Variants in FARP2 observed in about 807,000 individuals in gnomAD.
The protein encoded by FARP2 is FERM, ARH/RhoGEF and pleckstrin domain protein 2, also known as FERM, ARHGEF and pleckstrin domain-containing protein 2.
In FARP2, 111 loss-of-function variants were observed where a neutral mutation model predicts 130.5. That is an observed-to-expected ratio of 0.85 (90% CI 0.73 to 1.00). The LOEUF is 1.00. FARP2 is among the 50% of genes least tolerant of loss of function. FARP2 has a pLI of 0.00. For synonymous variants in FARP2, 504 were observed against 516.9 expected, an observed-to-expected ratio of 0.98 and a Z score of 0.34; for missense variants, 1,385 against 1,346.3, an observed-to-expected ratio of 1.03 and a Z score of -0.45.
At chr2:241,434,343 G>C (rs373545479) in intron 10 of FARP2, 22 bp downstream of exon 10, 141 of 1,559,502 alleles carry the variant, frequency 9.0e-5, no homozygotes, top group Non-Finnish European at 1.1e-4. Flanking sequence ...GCCGTGGCTT[G>C]CATGGGCCCC....
intron 14 of FARP2, among the ~76,000 whole-genome samples, chr2:241,458,707 T>A (rs1197453294): frequency 6.6e-6 from 1 of 152,060 alleles, no homozygotes; most frequent in East Asian, 1.9e-4. Context: ...TACCAAGCAG[T>A]CTGTTATTAA....
At chr2:241,371,448 C>T (rs769096955) in intron 1 of FARP2, among the ~76,000 whole-genome samples, 10 of 152,180 alleles carry the variant, frequency 6.6e-5, no homozygotes, top group Non-Finnish European at 1.2e-4. Flanking sequence ...GGGGCCAGTG[C>T]ACTTCAGCCT....
At chr2:241,358,175 C>T (rs1484002241) in intron 1 of FARP2, among the ~76,000 whole-genome samples, 2 of 151,932 alleles carry the variant, frequency 1.3e-5, no homozygotes, top group Admixed American at 1.3e-4. Context: ...GGCGACAGAG[C>T]GAGACTCTGT....
intron 12 of FARP2, among the ~76,000 whole-genome samples, chr2:241,437,246 C>T (rs572464645): frequency 1.9e-4 from 29 of 152,242 alleles, no homozygotes; most frequent in African/African-American, 5.5e-4. Context: ...GGCATGATTG[C>T]AACTATATCA....
chr2:241,415,989 CTGTGTGTGTGTGTG>C (rs57774022), intron 7 of FARP2, among the ~76,000 whole-genome samples: 1,722 of 141,794 alleles, frequency 0.012, 13 homozygotes, highest in African/African-American at 0.019. Context: ...CAGGGTAGTT[CTGTGTGTGTGTGTG>C]TGTGTGTGTG....
At chr2:241,357,857 G>C (rs1182464549) in intron 1 of FARP2, among the ~76,000 whole-genome samples, 1 of 152,190 alleles carries the variant, frequency 6.6e-6, no homozygotes, top group Non-Finnish European at 1.5e-5. Flanking sequence ...GATATAAGGT[G>C]TATTCATTTC....
chr2:241,358,573 G>A (rs1047479539), intron 1 of FARP2, among the ~76,000 whole-genome samples: 1 of 152,260 alleles, frequency 6.6e-6, no homozygotes, highest in Non-Finnish European at 1.5e-5. Context: ...ACTGCTGCTT[G>A]TCCTTTCAGT....
chr2:241,475,946 C>T lies in FARP2; in HGVS notation c.2221C>T (p.Arg741Trp), dbSNP rs372872625. The change falls in exon 19 of 27, where the codon CGG (arginine) becomes TGG (tryptophan). Residue 741 changes from arginine to tryptophan, a missense_variant. Arg to Trp is a moderately radical substitution (Grantham distance 101). Transcript: ENST00000264042. This position sits in a 1 kb window ranked among gnomAD's most constrained non-coding sequence, Gnocchi z 4.4. ...CCTGCAGAAGCTAACGGAGCTGCAG[C>T]GGGACCTGGTGGGCATAGAGAACCT... is the stretch of plus-strand genomic sequence containing the variant. ...ENLQKLTELQ[R>W]DLVGIENLIA... The T allele has an allele frequency of 5.6e-6, 9 of 1,613,824 alleles. No homozygotes were observed. The highest frequency in any genetic ancestry group is 4.5e-5 in the East Asian group (2 of 44,888).
intron 8 of FARP2, among the ~76,000 whole-genome samples, chr2:241,425,636 A>T (rs2062917203): frequency 2.2e-5 from 2 of 92,092 alleles, no homozygotes; most frequent in Non-Finnish European, 4.6e-5. Flanking sequence ...CTACCAAGTA[A>T]AAAAAAAAAA....
At chr2:241,464,720 G>T (rs10191488) in intron 17 of FARP2, among the ~76,000 whole-genome samples, 51,845 of 151,688 alleles carry the variant, frequency 0.34, 9,126 homozygotes, top group Middle Eastern at 0.37. Context: ...GGTCTCCCTT[G>T]AAGCATCATT....
chr2:241,418,113 G>A lies in FARP2; in HGVS notation c.771+4G>A, dbSNP rs2062723002. On this transcript the variant is annotated splice_donor_region_variant and intron_variant, in intron 8 of 26. Coordinates refer to ENST00000264042, the MANE Select transcript of FARP2 (RefSeq NM_014808.4). ...CATGGGTGTACTCGTGTTCCAGGTA[G>A]GCCAGTGGGGAAGGGAGGGGTGAGA... The A allele has an allele frequency of 1.9e-6, 3 of 1,614,060 alleles. No homozygotes were observed. The highest frequency in any genetic ancestry group is 2.7e-5 in the African/African-American group (2 of 74,914).
chr2:241,377,824 A>G (rs868272832), intron 2 of FARP2, among the ~76,000 whole-genome samples: 1 of 152,082 alleles, frequency 6.6e-6, no homozygotes, highest in Non-Finnish European at 1.5e-5. Context: ...GATTTATCAA[A>G]TCTGTGGATG....
chr2:241,415,997 G>C (rs879357132), intron 7 of FARP2, among the ~76,000 whole-genome samples: 10,429 of 98,752 alleles, frequency 0.11, 478 homozygotes, highest in African/African-American at 0.18. Context: ...TTCTGTGTGT[G>C]TGTGTGTGTG....
intron 6 of FARP2, 133 bp from the exon 7 acceptor site, chr2:241,413,174 C>A: frequency 1.8e-6 from 1 of 566,366 alleles, no homozygotes; most frequent in East Asian, 2.9e-5. Flanking sequence ...AATAAAAAAT[C>A]TTGCTTTTTT....
chr2:241,434,815 A>C, intron 10 of FARP2, 147 bp from the exon 11 acceptor site: 1 of 596,410 alleles, frequency 1.7e-6, no homozygotes, highest in Non-Finnish European at 3.0e-6. Flanking sequence ...CACCCTGGGC[A>C]ATAGAGCGAG....
At position 241,403,912 on chromosome 2, in the gene FARP2, C is replaced by T. The variant is rs2062261086; in HGVS notation, c.268C>T (p.Gln90Ter). ...ATGTGACTACTTCGGGATGGAGTTT[C>T]AAAATACTCAGTCCTACTGGGTAAG... Reference protein sequence around the residue: ...VECDYFGMEFQNTQSYWIWLE... With the variant: ...VECDYFGMEF The change falls in exon 3 of 27, where the codon CAA (glutamine) becomes TAA (stop). Residue 90 changes from glutamine to a stop codon, truncating the protein, a stop_gained. Transcript: ENST00000264042. LOFTEE classifies it high-confidence loss of function. 1 of 1,610,422 alleles carries T rather than the reference C, an allele frequency of 6.2e-7. No individual in the cohort carries two copies. Among genetic ancestry groups the T allele is most frequent in the African/African-American group, 1.3e-5 (1 of 74,978 alleles).
intron 8 of FARP2, among the ~76,000 whole-genome samples, chr2:241,424,542 T>C (rs1042605870): frequency 2.6e-5 from 4 of 151,864 alleles, no homozygotes; most frequent in African/African-American, 9.7e-5. Flanking sequence ...ACATCTCAAC[T>C]AAAAGAACTA....
At chr2:241,471,183 C>T (rs1163513732) in intron 18 of FARP2, 1 of 148,284 alleles carries the variant, frequency 6.7e-6, no homozygotes, top group Non-Finnish European at 1.5e-5. Flanking sequence ...GGGGGATGTT[C>T]TTCTGAGGGG....
chr2:241,410,220 G>T (rs1163156798), intron 5 of FARP2, among the ~76,000 whole-genome samples: 1 of 152,114 alleles, frequency 6.6e-6, no homozygotes, highest in African/African-American at 2.4e-5. Flanking sequence ...TCCTAGCCAA[G>T]ACCAGATATT....
Sources: allele counts gnomAD v4.1 joint callset (sites outside exome capture counted in the v4.1 genomes callset), GRCh38; gene constraint gnomAD v4.1.1; non-coding constraint Gnocchi (gnomAD v3.1); transcripts MANE v1.5; gene names NCBI Gene and HGNC (gene_info 2026-07-23, HGNC 2026-07-21).